STK3: variants seen among roughly 807,000 people sequenced by gnomAD.
STK3 encodes serine/threonine-protein kinase 3.
Under a neutral mutation model 58.0 loss-of-function variants are expected in STK3, and 41 were observed. The observed-to-expected ratio is 0.71, with a 90% confidence interval of 0.55 to 0.92. The LOEUF (loss-of-function observed/expected upper bound fraction) is 0.92, where lower values mean the gene tolerates loss of function less well. STK3 is among the 40% of genes least tolerant of loss of function. The pLI, the probability that STK3 is intolerant of heterozygous loss-of-function variation, is 0.00. For missense variants in STK3, 479 were observed against 602.7 expected, an observed-to-expected ratio of 0.79 and a Z score of 2.15; for synonymous variants, 170 against 191.0, an observed-to-expected ratio of 0.89 and a Z score of 0.91.
intron 6 of STK3, among the ~76,000 whole-genome samples, chr8:98,681,969 T>C (rs904836360): frequency 3.3e-5 from 5 of 152,204 alleles, no homozygotes; most frequent in African/African-American, 9.6e-5. Flanking sequence ...TACAGCAAAA[T>C]AGTGCACATG....
At chr8:98,468,848 C>T (rs193268722) in intron 10 of STK3, among the ~76,000 whole-genome samples, 12 of 152,310 alleles carry the variant, frequency 7.9e-5, no homozygotes, top group East Asian at 5.8e-4. Flanking sequence ...TGGTGGCTAA[C>T]GCCTGTAATC....
intron 1 of STK3, among the ~76,000 whole-genome samples, chr8:98,890,131 G>A (rs141917132): frequency 6.6e-5 from 10 of 152,276 alleles, no homozygotes; most frequent in East Asian, 5.8e-4. Flanking sequence ...CAGTGAGTCC[G>A]TGGTTGTGCT....
intron 3 of STK3, among the ~76,000 whole-genome samples, chr8:98,833,833 C>T (rs996423038): frequency 6.6e-6 from 1 of 151,956 alleles, no homozygotes; most frequent in Non-Finnish European, 1.5e-5. Flanking sequence ...GGTTTATAGC[C>T]CCATCTCTGA....
chr8:98,536,295 A>C (rs1335095954), intron 9 of STK3, among the ~76,000 whole-genome samples: 1 of 152,116 alleles, frequency 6.6e-6, no homozygotes, highest in Non-Finnish European at 1.5e-5. Context: ...ACACATAAAA[A>C]TAAGGGTTTA....
rs1362786078 is a variant in STK3, at chr8:98,428,835, A to G, written n.483+5292T>C. ...GAACCTGGTGGTGGAGAGCACACCT[A>G]CTTTAGCCAACTTGGGCAGGGTGGC... On this transcript the variant is annotated intron_variant and non_coding_transcript_variant, in intron 3 of 3. Coordinates refer to the STK3 transcript ENST00000517832. The surrounding 1 kb of genome is among the most constrained non-coding windows in gnomAD (Gnocchi z 6.7). 1.9e-6 allele frequency: 3 copies of G among 1,614,042 alleles called. No individual in the cohort carries two copies. The East Asian group carries it at 6.7e-5, about 36-fold the overall frequency.
At chr8:98,835,884 C>A (rs1471201589) in intron 3 of STK3, among the ~76,000 whole-genome samples, 1 of 152,118 alleles carries the variant, frequency 6.6e-6, no homozygotes, top group Non-Finnish European at 1.5e-5. Flanking sequence ...TATAACAAAA[C>A]ATCATAAACT....
chr8:98,419,096 C>T (rs545020158), intron 3 of STK3, among the ~76,000 whole-genome samples: 2 of 152,274 alleles, frequency 1.3e-5, no homozygotes, highest in East Asian at 1.9e-4. Flanking sequence ...TACGGTGGCT[C>T]ACGCCTGAAA....
chr8:98,534,157 A>G (rs1056471709), intron 9 of STK3, among the ~76,000 whole-genome samples: 7 of 152,210 alleles, frequency 4.6e-5, no homozygotes, highest in African/African-American at 1.7e-4. Flanking sequence ...TATTAGTGGA[A>G]AAATAGAAAA....
chr8:98,727,149 C>G (rs1310412773), intron 4 of STK3, among the ~76,000 whole-genome samples: 1 of 152,108 alleles, frequency 6.6e-6, no homozygotes, highest in Non-Finnish European at 1.5e-5. Context: ...AACATATGAC[C>G]TAGGTCTAAG....
chr8:98,527,942 G>A (rs572731577), intron 9 of STK3, among the ~76,000 whole-genome samples: 10 of 152,128 alleles, frequency 6.6e-5, no homozygotes, highest in Middle Eastern at 3.4e-3. Context: ...CAGCTCCCCC[G>A]ACATATTCTA....
chr8:98,895,088 G>A (rs1018775313), intron 1 of STK3, among the ~76,000 whole-genome samples: 2 of 152,188 alleles, frequency 1.3e-5, no homozygotes, highest in Non-Finnish European at 1.5e-5. Context: ...TGGCACTGAA[G>A]ATCATTCTTC....
chr8:98,409,006 G>C (rs760637111), intron 3 of STK3, among the ~76,000 whole-genome samples: 1 of 152,100 alleles, frequency 6.6e-6, no homozygotes, highest in Non-Finnish European at 1.5e-5. Context: ...TGCTCGCCTT[G>C]TTGAAACCCC....
chr8:98,542,500 T>TA (rs1479368882), intron 9 of STK3, among the ~76,000 whole-genome samples: 4 of 151,746 alleles, frequency 2.6e-5, no homozygotes, highest in Admixed American at 6.6e-5. Context: ...ACTAGCTTAC[T>TA]AAAAAAAAGA....
chr8:98,842,798 T>G (rs1836046971), intron 3 of STK3, among the ~76,000 whole-genome samples: 1 of 152,072 alleles, frequency 6.6e-6, no homozygotes, highest in African/African-American at 2.4e-5. Flanking sequence ...CTCAGGAGTT[T>G]GAGACCAGCC....
chr8:98,912,101 G>A (rs929905356), intron 1 of STK3, among the ~76,000 whole-genome samples: 2 of 152,260 alleles, frequency 1.3e-5, no homozygotes, highest in East Asian at 1.9e-4. Flanking sequence ...ATCTTGGGCC[G>A]GGCACCGTGG....
At chr8:98,510,332 T>C (rs891317861) in intron 10 of STK3, among the ~76,000 whole-genome samples, 4 of 152,096 alleles carry the variant, frequency 2.6e-5, no homozygotes, top group African/African-American at 9.7e-5. Context: ...GTGTGTTCTT[T>C]TTCTCCTTCC....
chr8:98,642,776 C>T (rs1040137092), intron 6 of STK3, among the ~76,000 whole-genome samples: 23 of 152,134 alleles, frequency 1.5e-4, no homozygotes, highest in Non-Finnish European at 2.6e-4. Flanking sequence ...ATATGATTAC[C>T]TAGCCTGCTA....
chr8:98,773,779 T>TATTTA (rs530778893), intron 2 of STK3, among the ~76,000 whole-genome samples: 7 of 150,956 alleles, frequency 4.6e-5, no homozygotes, highest in Admixed American at 2.0e-4. Context: ...TATTTTTATT[T>TATTTA]TTTATTTATT....
At chr8:98,933,384 C>T (rs1264375331) in intron 1 of STK3, among the ~76,000 whole-genome samples, 3 of 152,132 alleles carry the variant, frequency 2.0e-5, no homozygotes, top group South Asian at 2.1e-4. Context: ...CAAGGCATAG[C>T]TTACAGATGT....
Sources: allele counts gnomAD v4.1 joint callset (sites outside exome capture counted in the v4.1 genomes callset), GRCh38; gene constraint gnomAD v4.1.1; non-coding constraint Gnocchi (gnomAD v3.1); transcripts MANE v1.5; gene names NCBI Gene and HGNC (gene_info 2026-07-23, HGNC 2026-07-21).